The following RNF169 variants were observed in gnomAD, a reference collection of about 807,000 sequenced individuals.
RNF169 encodes the protein ring finger protein 169.
A neutral mutation model predicts 53.9 loss-of-function variants in RNF169; 24 were observed. That is an observed-to-expected ratio of 0.45 (90% CI 0.32 to 0.63). RNF169 has a LOEUF of 0.63. RNF169 is among the 20% of genes least tolerant of loss of function. RNF169 has a pLI of 0.04. For missense variants in RNF169, 883 were observed against 906.2 expected (o/e 0.97, Z 0.33); for synonymous variants, 396 against 363.5 (o/e 1.09, Z -1.02).
intron 2 of RNF169, among the ~76,000 whole-genome samples, chr11:74,791,847 T>C (rs1395484711): frequency 6.6e-6 from 1 of 152,206 alleles, no homozygotes; most frequent in Non-Finnish European, 1.5e-5. Flanking sequence ...TAAGAGGGCA[T>C]GGCTCCTACC....
chr11:74,777,097 A>G (rs1336935461), intron 1 of RNF169, among the ~76,000 whole-genome samples: 1 of 152,236 alleles, frequency 6.6e-6, no homozygotes, highest in African/African-American at 2.4e-5. Flanking sequence ...TTGAATGCCC[A>G]CAATCTATAC....
chr11:74,752,635 T>A (rs945999465), intron 1 of RNF169, among the ~76,000 whole-genome samples: 1 of 152,088 alleles, frequency 6.6e-6, no homozygotes, highest in Non-Finnish European at 1.5e-5. Flanking sequence ...TCTTCCACAG[T>A]TTATGGATCT....
At chr11:74,831,219 A>C (rs1317702065) in intron 4 of RNF169, 1 of 152,218 alleles carries the variant, frequency 6.6e-6, no homozygotes, top group Non-Finnish European at 1.5e-5. Flanking sequence ...CTCTGTTTAC[A>C]CATGACATGT....
At chr11:74,791,877 C>T (rs969869876) in intron 2 of RNF169, among the ~76,000 whole-genome samples, 3 of 152,228 alleles carry the variant, frequency 2.0e-5, no homozygotes, top group African/African-American at 4.8e-5. Flanking sequence ...CTCCAGCTGA[C>T]ACCTGCCGGC....
At chr11:74,750,429 C>T (rs1035067217) in intron 1 of RNF169, among the ~76,000 whole-genome samples, 1 of 151,940 alleles carries the variant, frequency 6.6e-6, no homozygotes. Flanking sequence ...CTTGTGTATA[C>T]AAGTGCAGCT....
At chr11:74,775,911 G>A (rs755925845) in intron 1 of RNF169, among the ~76,000 whole-genome samples, 7 of 152,204 alleles carry the variant, frequency 4.6e-5, no homozygotes, top group Non-Finnish European at 1.0e-4. Flanking sequence ...TGTATTAGAC[G>A]CTCAGTAAAT....
chr11:74,755,730 A>G (rs978423150), intron 1 of RNF169, among the ~76,000 whole-genome samples: 9 of 152,196 alleles, frequency 5.9e-5, no homozygotes, highest in Non-Finnish European at 8.8e-5. Context: ...GAAGGAGGGG[A>G]TGTCCATTCC....
chr11:74,818,606 C>A (rs909859405), intron 4 of RNF169, among the ~76,000 whole-genome samples: 1 of 152,124 alleles, frequency 6.6e-6, no homozygotes, highest in Non-Finnish European at 1.5e-5. Context: ...GTTGCCCAGG[C>A]TGGTCTTGAA....
At chr11:74,758,407 T>A (rs1427663912) in intron 1 of RNF169, among the ~76,000 whole-genome samples, 1 of 150,308 alleles carries the variant, frequency 6.7e-6, no homozygotes, top group Non-Finnish European at 1.5e-5. Context: ...TGTAGCCTTG[T>A]AGTATAGTTT....
intron 4 of RNF169, chr11:74,830,900 A>G (rs531043014): frequency 6.6e-6 from 1 of 152,350 alleles, no homozygotes; most frequent in South Asian, 2.1e-4. Context: ...CCATTTTAGT[A>G]GAATGAAGGG....
At chr11:74,770,947 AG>A (rs1175209843) in intron 1 of RNF169, among the ~76,000 whole-genome samples, 1 of 152,112 alleles carries the variant, frequency 6.6e-6, no homozygotes, top group African/African-American at 2.4e-5. Flanking sequence ...CTGGGATTAC[AG>A]GCCAGTGCCC....
intron 1 of RNF169, among the ~76,000 whole-genome samples, chr11:74,786,380 G>C (rs906256067): frequency 6.6e-6 from 1 of 151,836 alleles, no homozygotes; most frequent in African/African-American, 2.4e-5. Context: ...CTATAGGTGT[G>C]CACCATCATG....
intron 1 of RNF169, among the ~76,000 whole-genome samples, chr11:74,762,781 C>T (rs7924642): frequency 0.019 from 2,842 of 152,220 alleles, 104 homozygotes; most frequent in African/African-American, 0.065. Context: ...CTTGAATATA[C>T]AGGAAAGATA....
chr11:74,775,711 C>T (rs1010353074), intron 1 of RNF169, among the ~76,000 whole-genome samples: 2 of 152,114 alleles, frequency 1.3e-5, no homozygotes, highest in Admixed American at 6.6e-5. Flanking sequence ...CATAAGTGCT[C>T]GGTAAAATGT....
intron 1 of RNF169, among the ~76,000 whole-genome samples, chr11:74,756,135 T>C (rs781739849): frequency 6.6e-6 from 1 of 152,102 alleles, no homozygotes; most frequent in Non-Finnish European, 1.5e-5. Context: ...TAGTAACCAT[T>C]TGAGGGTCTT....
chr11:74,751,379 A>G (rs1038816447), intron 1 of RNF169, among the ~76,000 whole-genome samples: 1 of 152,160 alleles, frequency 6.6e-6, no homozygotes, highest in African/African-American at 2.4e-5. Flanking sequence ...AATTTGCTTT[A>G]TAGTCTGAGA....
intron 1 of RNF169, among the ~76,000 whole-genome samples, chr11:74,754,276 C>T (rs973269290): frequency 5.3e-5 from 8 of 152,152 alleles, no homozygotes; most frequent in African/African-American, 1.7e-4. Flanking sequence ...CTATACATTG[C>T]AGCCACACTT....
chr11:74,767,865 A>G (rs1040124400), intron 1 of RNF169, among the ~76,000 whole-genome samples: 1 of 151,542 alleles, frequency 6.6e-6, no homozygotes, highest in Non-Finnish European at 1.5e-5. Flanking sequence ...AAAAATAGAG[A>G]TGGGGTTTCA....
intron 4 of RNF169, among the ~76,000 whole-genome samples, chr11:74,825,626 G>T (rs1344566879): frequency 1.3e-5 from 2 of 151,976 alleles, no homozygotes; most frequent in African/African-American, 4.8e-5. Flanking sequence ...TAAAAAGGAG[G>T]GACTCCTCCC....
Sources: allele counts gnomAD v4.1 joint callset (sites outside exome capture counted in the v4.1 genomes callset), GRCh38; gene constraint gnomAD v4.1.1; transcripts MANE v1.5; gene names NCBI Gene and HGNC (gene_info 2026-07-23, HGNC 2026-07-21).